Variants in COLEC10 observed in about 807,000 individuals in gnomAD.
COLEC10 encodes collectin-10.
COLEC10 carries 22 observed loss-of-function variants against 28.4 expected under a neutral mutation model. The ratio of observed to expected loss-of-function variants is 0.78; its 90% CI spans 0.55 to 1.11. The LOEUF (loss-of-function observed/expected upper bound fraction) is 1.11. Among genes scored for constraint, COLEC10 ranks in the 50% least tolerant of loss-of-function variants. COLEC10 has a pLI of 0.00. For synonymous variants in COLEC10, 125 were observed against 116.1 expected (o/e 1.08, Z -0.49); for missense variants, 361 against 344.1 (o/e 1.05, Z -0.39).
At chr8:119,020,599 A>G (rs1366984058) in intron 2 of COLEC10, among the ~76,000 whole-genome samples, 1 of 152,158 alleles carries the variant, frequency 6.6e-6, no homozygotes, top group Non-Finnish European at 1.5e-5. Flanking sequence ...CTGAAGATGT[A>G]TTCAATAAGG....
At chr8:118,981,560 G>T in the COLEC10 span, among the ~76,000 whole-genome samples, 1 of 151,964 alleles carries the variant, frequency 6.6e-6, no homozygotes, top group African/African-American at 2.4e-5. Flanking sequence ...GTAAAAATGA[G>T]ATATTCAAAT....
In COLEC10 at chr8:119,103,838, G is replaced by C; in HGVS notation, c.385G>C (p.Gly129Arg). 1 of 1,612,726 alleles carries C rather than the reference G, an allele frequency of 6.2e-7. No individual in the cohort carries two copies. The highest frequency in any genetic ancestry group is 8.5e-7 in the Non-Finnish European group (1 of 1,179,052). Residue 129 changes from glycine (G) to arginine (R), a missense_variant, in exon 5 of 6, where the codon GGA becomes CGA. Coordinates refer to ENST00000332843, the MANE Select transcript of COLEC10 (RefSeq NM_006438.5). ...TTGTGGAAGATACCGGAAATTTGTT[G>C]GACAACTGGATATTAGTATTGCTCG... Reference protein sequence around the residue: ...CDCGRYRKFVGQLDISIARLK... With the variant: ...CDCGRYRKFVRQLDISIARLK...
the COLEC10 span, among the ~76,000 whole-genome samples, chr8:118,986,407 T>C: frequency 6.6e-6 from 1 of 152,246 alleles, no homozygotes; most frequent in Non-Finnish European, 1.5e-5. Flanking sequence ...GAGAACAATG[T>C]GATTGAAAAT....
At chr8:118,981,027 C>A in the COLEC10 span, among the ~76,000 whole-genome samples, 1 of 148,550 alleles carries the variant, frequency 6.7e-6, no homozygotes, top group Non-Finnish European at 1.5e-5. Context: ...GGTAGTTTTC[C>A]TATATATATA....
At chr8:119,030,596 C>T (rs1284321293) in intron 2 of COLEC10, among the ~76,000 whole-genome samples, 4 of 152,216 alleles carry the variant, frequency 2.6e-5, no homozygotes, top group Non-Finnish European at 5.9e-5. Context: ...GTTGCCTATC[C>T]TCCACATGCC....
chr8:119,047,241 G>A (rs1814601771), intron 2 of COLEC10, among the ~76,000 whole-genome samples: 1 of 152,186 alleles, frequency 6.6e-6, no homozygotes, highest in Non-Finnish European at 1.5e-5. Flanking sequence ...GAGTACATCT[G>A]AGCTTTGGTG....
the COLEC10 span, among the ~76,000 whole-genome samples, chr8:118,990,034 G>T: frequency 6.6e-6 from 1 of 151,910 alleles, no homozygotes; most frequent in South Asian, 2.1e-4. Context: ...TAGATACTGT[G>T]GAACTGTAAC....
At chr8:119,091,549 T>G (rs1021376013) in intron 3 of COLEC10, among the ~76,000 whole-genome samples, 1 of 146,350 alleles carries the variant, frequency 6.8e-6, no homozygotes, top group African/African-American at 2.5e-5. Context: ...AGTAAGACCC[T>G]GTCTCGAAAG....
intron 2 of COLEC10, among the ~76,000 whole-genome samples, chr8:119,047,061 T>A (rs1379933482): frequency 6.6e-6 from 1 of 152,194 alleles, no homozygotes; most frequent in Non-Finnish European, 1.5e-5. Flanking sequence ...ACAACTCTCT[T>A]AAGTAATTCA....
At chr8:118,990,966 A>T (rs1813495982), upstream of COLEC10, among the ~76,000 whole-genome samples, 1 of 150,848 alleles carries the variant, frequency 6.6e-6, no homozygotes, top group Admixed American at 6.6e-5. Flanking sequence ...TTAGGGAATT[A>T]AAGAAAAAAA....
In COLEC10 at chr8:119,100,374, C is replaced by T. The variant is rs1297558087; in HGVS notation, c.293-1974C>T. Among the ~76,000 whole-genome samples, 7 of 152,078 alleles carry T rather than the reference C, an allele frequency of 4.6e-5. 1 individual carries two copies. Among genetic ancestry groups the T allele is most frequent in the South Asian group, 4.1e-4 (2 of 4,822 alleles). On this transcript the variant is annotated intron_variant, in intron 3 of 5. Transcript: ENST00000332843. The stretch of plus-strand genomic sequence containing the variant: ...ATGTGATAATATGTGTAAGGTATCC[C>T]GAATAGTACTTGGTGATTGACTGGT...
chr8:118,953,390 T>C, the COLEC10 span, among the ~76,000 whole-genome samples: 1 of 152,226 alleles, frequency 6.6e-6, no homozygotes, highest in Non-Finnish European at 1.5e-5. Flanking sequence ...CAAGTGTTAG[T>C]AGTGAAACAC....
chr8:119,048,432 C>A (rs2130170361), intron 2 of COLEC10, among the ~76,000 whole-genome samples: 1 of 152,276 alleles, frequency 6.6e-6, no homozygotes, highest in African/African-American at 2.4e-5. Context: ...CTAACATTGT[C>A]AGTGGGACAT....
intron 1 of COLEC10, among the ~76,000 whole-genome samples, chr8:119,077,931 G>T (rs1258574404): frequency 6.6e-6 from 1 of 151,518 alleles, no homozygotes; most frequent in Non-Finnish European, 1.5e-5. Flanking sequence ...TGTACAAAAA[G>T]TTTGGTGCCA....
intron 1 of COLEC10, among the ~76,000 whole-genome samples, chr8:119,008,481 T>TTTA (rs1313569766): frequency 1.1e-4 from 3 of 27,728 alleles, no homozygotes; most frequent in South Asian, 1.8e-3. Context: ...TTACTTTTTA[T>TTTA]TTTTTTTTTT....
At chr8:118,975,035 A>C in the COLEC10 span, among the ~76,000 whole-genome samples, 1 of 152,040 alleles carries the variant, frequency 6.6e-6, no homozygotes. Context: ...GTAGCTACTT[A>C]ATAAAGCCTA....
chr8:119,017,125 G>C (rs946105127), intron 2 of COLEC10, among the ~76,000 whole-genome samples: 1 of 152,076 alleles, frequency 6.6e-6, no homozygotes, highest in East Asian at 1.9e-4. Context: ...TTTCATATGG[G>C]AAACTGGGAC....
At chr8:118,985,233 A>G in the COLEC10 span, among the ~76,000 whole-genome samples, 1 of 152,082 alleles carries the variant, frequency 6.6e-6, no homozygotes. Flanking sequence ...TTGCTATAGC[A>G]GCCCTAGGAA....
chr8:119,004,057 C>A (rs1014226828), intron 1 of COLEC10, among the ~76,000 whole-genome samples: 1 of 152,032 alleles, frequency 6.6e-6, no homozygotes, highest in African/African-American at 2.4e-5. Flanking sequence ...CTAACTATAA[C>A]CCATCCAGAA....
Sources: gnomAD v4.1 joint callset for allele counts (sites outside exome capture counted in the v4.1 genomes callset) on GRCh38, gnomAD v4.1.1 for gene constraint, MANE v1.5 for transcripts, NCBI Gene and HGNC (gene_info 2026-07-23, HGNC 2026-07-21) for gene names.